ELK3: variants seen among roughly 807,000 people sequenced by gnomAD.
ELK3 encodes the protein ETS domain-containing protein Elk-3.
A neutral mutation model predicts 28.9 loss-of-function variants in ELK3; 10 were observed. The ratio of observed to expected loss-of-function variants is 0.35; its 90% CI spans 0.21 to 0.59. The LOEUF (loss-of-function observed/expected upper bound fraction) is 0.59, where lower values mean the gene tolerates loss of function less well. ELK3 is among the 20% of genes least tolerant of loss of function. The pLI, the probability that ELK3 is intolerant of heterozygous loss-of-function variation, is 0.82. For missense variants in ELK3, 463 were observed against 517.3 expected, an observed-to-expected ratio of 0.90 and a Z score of 1.02; for synonymous variants, 272 against 243.5, an observed-to-expected ratio of 1.12 and a Z score of -1.09.
intron 4 of ELK3, among the ~76,000 whole-genome samples, chr12:96,264,334 T>G (rs1952014130): frequency 6.6e-6 from 1 of 152,120 alleles, no homozygotes; most frequent in Non-Finnish European, 1.5e-5. Context: ...TCTTTGAGAT[T>G]AAAACAGTGG....
At position 96,228,915 on chromosome 12, in the gene ELK3, G is replaced by A. The variant is rs544632059; in HGVS notation, c.207+5142G>A. 6.6e-5 allele frequency among the ~76,000 whole-genome samples: 10 copies of A among 152,354 alleles called. No individual in the cohort carries two copies. The East Asian group carries it at 1.7e-3, about 26-fold the overall frequency. ...ATGGAAAGAGAAGATAAGATGACGC[G>A]GATAAGGTGCTTAGCACAGTGTCAG... is the stretch of plus-strand genomic sequence containing the variant. On this transcript the variant is annotated intron_variant, in intron 2 of 4. Coordinates refer to ENST00000228741, the MANE Select transcript of ELK3 (RefSeq NM_005230.4).
intron 3 of ELK3, among the ~76,000 whole-genome samples, chr12:96,253,218 C>T (rs539963124): frequency 4.3e-4 from 66 of 152,352 alleles, no homozygotes; most frequent in African/African-American, 1.5e-3. Flanking sequence ...CGAGATCACG[C>T]CACCGCACTC....
chr12:96,249,714 A>ACGCCAGCCC (rs1951888942), intron 3 of ELK3, among the ~76,000 whole-genome samples: 1 of 5,840 alleles, frequency 1.7e-4, no homozygotes, highest in Admixed American at 1.7e-3. Context: ...AGTGAGGCAG[A>ACGCCAGCCC]TGCCAGCCCT....
intron 3 of ELK3, among the ~76,000 whole-genome samples, chr12:96,252,761 G>C (rs1951917397): frequency 6.6e-6 from 1 of 152,206 alleles, no homozygotes; most frequent in African/African-American, 2.4e-5. Flanking sequence ...TCTTGAGATA[G>C]AATCTACTCC....
chr12:96,204,989 G>A (rs566575669), intron 1 of ELK3, among the ~76,000 whole-genome samples: 2 of 152,206 alleles, frequency 1.3e-5, no homozygotes, highest in Non-Finnish European at 2.9e-5. Flanking sequence ...GCGCCTTTAC[G>A]GATGTGGGCT....
chr12:96,198,832 C>T (rs1951489760), intron 1 of ELK3, among the ~76,000 whole-genome samples: 1 of 152,188 alleles, frequency 6.6e-6, no homozygotes, highest in Admixed American at 6.5e-5. Flanking sequence ...ATTGAAAGCA[C>T]ACTGTACTTA....
chr12:96,244,364 CA>C (rs1951842126), intron 2 of ELK3, among the ~76,000 whole-genome samples: 1 of 152,104 alleles, frequency 6.6e-6, no homozygotes, highest in Non-Finnish European at 1.5e-5. Flanking sequence ...TCATTTTTAT[CA>C]CAGCCCTTGG....
At chr12:96,214,092 C>T (rs1043356926) in intron 1 of ELK3, among the ~76,000 whole-genome samples, 1 of 152,016 alleles carries the variant, frequency 6.6e-6, no homozygotes, top group Non-Finnish European at 1.5e-5. Flanking sequence ...GCATGTAATC[C>T]CAGCAACCTT....
intron 2 of ELK3, among the ~76,000 whole-genome samples, chr12:96,225,352 T>C (rs1054995607): frequency 1.3e-5 from 2 of 152,242 alleles, no homozygotes; most frequent in African/African-American, 4.8e-5. Flanking sequence ...TGTGTCTCTT[T>C]AGCATGAAGG....
At chr12:96,216,025 T>C (rs990909707) in intron 1 of ELK3, among the ~76,000 whole-genome samples, 4 of 152,256 alleles carry the variant, frequency 2.6e-5, no homozygotes, top group Non-Finnish European at 4.4e-5. Flanking sequence ...TGCAAAAATG[T>C]CCCTCCCCTC....
chr12:96,212,839 GGAGT>G (rs779499196), intron 1 of ELK3: 3 of 152,152 alleles, frequency 2.0e-5, no homozygotes, highest in Non-Finnish European at 4.4e-5. Flanking sequence ...ACTGGAGAAG[GGAGT>G]GAGTTCATCT....
chr12:96,246,985 G>C lies in ELK3; in HGVS notation c.253G>C (p.Val85Leu), dbSNP rs1347501519. 7 of 1,612,020 alleles carry C rather than the reference G, an allele frequency of 4.3e-6. No homozygotes were observed. In the South Asian group the frequency reaches 7.7e-5, roughly 18 times the overall value. ...CGGGCAGAAGTTTGTGTACAAGTTTGTCTCTTTCCCGGAGATCCTGAAGAT... is the reference window on the plus strand; with the variant it reads ...CGGGCAGAAGTTTGTGTACAAGTTTCTCTCTTTCCCGGAGATCCTGAAGAT... ...VIGQKFVYKF[V>L]SFPEILKMDP... Residue 85 changes from valine (V) to leucine (L), a missense_variant, in exon 3 of 5, where the codon GTC (valine) becomes CTC (leucine). Coordinates refer to ENST00000228741, the MANE Select transcript of ELK3 (RefSeq NM_005230.4).
intron 3 of ELK3, among the ~76,000 whole-genome samples, chr12:96,259,287 C>T (rs916014302): frequency 6.6e-6 from 1 of 152,190 alleles, no homozygotes; most frequent in African/African-American, 2.4e-5. Flanking sequence ...TATGGTGGCT[C>T]ACGCCTGTAA....
intron 1 of ELK3, among the ~76,000 whole-genome samples, chr12:96,218,358 C>T (rs1951635620): frequency 6.6e-6 from 1 of 152,150 alleles, no homozygotes; most frequent in African/African-American, 2.4e-5. Context: ...TATGAAAGCA[C>T]AGAGTTCGAT....
intron 1 of ELK3, among the ~76,000 whole-genome samples, chr12:96,207,781 C>T (rs1333992202): frequency 6.6e-6 from 1 of 152,186 alleles, no homozygotes; most frequent in Non-Finnish European, 1.5e-5. Context: ...TAAACCTTGA[C>T]ATGTTTTGGC....
At chr12:96,230,522 A>G (rs1951733247) in intron 2 of ELK3, among the ~76,000 whole-genome samples, 1 of 152,142 alleles carries the variant, frequency 6.6e-6, no homozygotes, top group African/African-American at 2.4e-5. Flanking sequence ...AGGTATAAAC[A>G]CTAGACTCCG....
intron 3 of ELK3, among the ~76,000 whole-genome samples, chr12:96,250,258 A>G (rs552939222): frequency 5.7e-4 from 87 of 152,330 alleles, no homozygotes; most frequent in African/African-American, 2.0e-3. Flanking sequence ...TGCTCCTGGC[A>G]TGGCCATGGG....
rs142269306 is a variant in ELK3 at position 96,247,104 on chromosome 12, C to T, written c.372C>T (p.His124=). 5.3e-4 allele frequency: 859 copies of T among 1,613,412 alleles called. 6 individuals carry two copies. In the Middle Eastern group the frequency reaches 5.4e-3, roughly 10 times the overall value. The part of the protein sequence containing the change: ...ASPEGREAHK[H]GLAALRSTSR... ...CGGAGGGCCGCGAGGCCCACAAACA[C>T]GGCCTGGCCGCCCTCAGAAGCACGA... Residue 124 remains histidine (H), a synonymous_variant, in exon 3 of 5, where the codon CAC becomes CAT. Transcript: ENST00000228741. The surrounding 1 kb of genome is among the most constrained non-coding windows in gnomAD (Gnocchi z 5.5).
chr12:96,202,417 A>G (rs1215741095), intron 1 of ELK3, among the ~76,000 whole-genome samples: 1 of 151,402 alleles, frequency 6.6e-6, no homozygotes, highest in Non-Finnish European at 1.5e-5. Flanking sequence ...GGCGTCTTTT[A>G]GTTCACACTC....
Sources: allele counts gnomAD v4.1 joint callset (sites outside exome capture counted in the v4.1 genomes callset), GRCh38; gene constraint gnomAD v4.1.1; non-coding constraint Gnocchi (gnomAD v3.1); transcripts MANE v1.5; gene names NCBI Gene and HGNC (gene_info 2026-07-23, HGNC 2026-07-21).